DNAH12: variants seen among roughly 807,000 people sequenced by gnomAD.
The protein encoded by DNAH12 is axonemal beta dynein heavy chain 12.
Under a neutral mutation model 371.5 loss-of-function variants are expected in DNAH12, and 285 were observed. That is an observed-to-expected ratio of 0.77 (90% CI 0.70 to 0.85). The LOEUF (loss-of-function observed/expected upper bound fraction) is 0.85. Among genes scored for constraint, DNAH12 ranks in the 40% least tolerant of loss-of-function variants. The probability of loss-of-function intolerance (pLI) is 0.00; values close to 1 mark genes in which losing one functional copy is unlikely to be tolerated. For missense variants in DNAH12, 3,611 were observed against 3,689.4 expected (o/e 0.98, Z 0.55); for synonymous variants, 1,200 against 1,213.0 (o/e 0.99, Z 0.22).
intron 23 of DNAH12, among the ~76,000 whole-genome samples, chr3:57,454,509 T>A: frequency 6.6e-6 from 1 of 151,696 alleles, no homozygotes; most frequent in Admixed American, 6.6e-5. Flanking sequence ...ATAGTTGTAA[T>A]TTTAAGATTA....
Position 57,428,660 on chromosome 3 carries a change from A to T in DNAH12, c.5226T>A (p.Ser1742=), listed in dbSNP as rs1442718192. 4 of 1,540,588 alleles carry T rather than the reference A, an allele frequency of 2.6e-6. No individual in the cohort carries two copies. In the East Asian group the frequency reaches 9.8e-5, roughly 38 times the overall value. Residue 1742 remains serine (S), a synonymous_variant, in exon 34 of 74, where the codon TCT becomes TCA. Transcript: ENST00000495027. ...TGCATTTTTTCTTACGCTGGTTTAAAGAGGGTGGTATTAACCAGGCAAAAA... is the reference window on the plus strand; with the variant it reads ...TGCATTTTTTCTTACGCTGGTTTAATGAGGGTGGTATTAACCAGGCAAAAA... ...RGLFAWLIPP[S]LNQRKKKCKE...
chr3:57,310,698 T>C lies in DNAH12; in HGVS notation c.10896+19A>G. The C allele has an allele frequency of 1.3e-6, 2 of 1,502,500 alleles. No individual in the cohort carries two copies. Among genetic ancestry groups the C allele is most frequent in the Non-Finnish European group, 1.8e-6 (2 of 1,104,088 alleles). The allele number at this position is 1,502,500 out of a possible 1,614,324, so 93.1% of individuals were successfully genotyped here. ...AAAATCACACATTAATCTAACCTTATTTTTGGTGACATCATTACCTTAATG... is the reference window on the plus strand; with the variant it reads ...AAAATCACACATTAATCTAACCTTACTTTTGGTGACATCATTACCTTAATG... On this transcript the variant is annotated intron_variant, in intron 67 of 73. Coordinates refer to ENST00000495027, the MANE Select transcript of DNAH12 (RefSeq NM_001366028.2).
chr3:57,515,296 C>T (rs1460668760), intron 4 of DNAH12, among the ~76,000 whole-genome samples: 1 of 151,998 alleles, frequency 6.6e-6, no homozygotes. Flanking sequence ...GATTACAGGG[C>T]TAGAATAGAA....
At chr3:57,526,527 C>CTTT (rs759097908) in intron 2 of DNAH12, among the ~76,000 whole-genome samples, 48 of 121,244 alleles carry the variant, frequency 4.0e-4, no homozygotes, top group African/African-American at 7.2e-4. Context: ...GTTTCCAGAT[C>CTTT]TTTTTTTTTT....
intron 69 of DNAH12, among the ~76,000 whole-genome samples, chr3:57,308,362 C>T (rs577479963): frequency 6.6e-6 from 1 of 152,094 alleles, no homozygotes; most frequent in African/African-American, 2.4e-5. Flanking sequence ...CTTTTAAAAA[C>T]ACACCTCGCC....
At position 57,454,428 on chromosome 3, in the gene DNAH12, C is replaced by A. The variant is rs575302212; in HGVS notation, c.3456+347G>T. ...CTGGGAGGCGGAGGTTGCAGTGAGC[C>A]GAGATCATGCCTTTGCACTCCAGCC... On this transcript the variant is annotated intron_variant, in intron 23 of 73. Coordinates refer to ENST00000495027, the MANE Select transcript of DNAH12 (RefSeq NM_001366028.2). 3.4e-5 allele frequency among the ~76,000 whole-genome samples: 5 copies of A among 148,754 alleles called. No homozygotes were observed. In the South Asian group the frequency reaches 1.1e-3, roughly 32 times the overall value.
At chr3:57,411,885 A>G (rs1553683159) in intron 39 of DNAH12, among the ~76,000 whole-genome samples, 1 of 152,214 alleles carries the variant, frequency 6.6e-6, no homozygotes, top group African/African-American at 2.4e-5. Context: ...CTATTGAAAG[A>G]GAAAAACAAA....
chr3:57,325,690 C>A (rs1004834803), intron 62 of DNAH12, among the ~76,000 whole-genome samples: 1 of 152,228 alleles, frequency 6.6e-6, no homozygotes, highest in Non-Finnish European at 1.5e-5. Context: ...GATCACAGTT[C>A]CTCACCAGCA....
chr3:57,368,567 A>G (rs892012032), intron 55 of DNAH12, among the ~76,000 whole-genome samples: 9 of 152,120 alleles, frequency 5.9e-5, no homozygotes, highest in Non-Finnish European at 8.8e-5. Flanking sequence ...TCTTCCCAAT[A>G]TAATATGCTG....
intron 17 of DNAH12, among the ~76,000 whole-genome samples, chr3:57,468,009 A>G (rs994405399): frequency 6.6e-6 from 1 of 152,220 alleles, no homozygotes. Flanking sequence ...CTCTGTCACA[A>G]GTACCCATGC....
chr3:57,392,003 C>G lies in DNAH12; in HGVS notation c.7174G>C (p.Ala2392Pro), dbSNP rs2063634386. Residue 2392 changes from alanine to proline, a missense_variant, in exon 45 of 74, where the codon GCT becomes CCT. By Grantham distance (27) the Ala-to-Pro change is conservative. Around this residue, in one of 3 missense-constraint regions of DNAH12, gnomAD observed 2,266 missense variants for 2,236.9 expected, o/e 1.01. Transcript: ENST00000495027. ...HDELSPLALF[A>P]FFVNRCKDNL... ...TCTTTGCAGCGATTCACAAAGAAAG[C>G]AAACAGAGCTAAGGGACTGAGTTCA... 1 of 152,194 alleles carries G rather than the reference C, an allele frequency of 6.6e-6. No homozygotes were observed. Among genetic ancestry groups the G allele is most frequent in the Non-Finnish European group, 1.5e-5 (1 of 68,036 alleles). The allele number at this position is 152,194 out of a possible 1,614,324, so 9.4% of individuals were successfully genotyped here.
chr3:57,386,216 G>C, intron 47 of DNAH12, among the ~76,000 whole-genome samples: 1 of 152,146 alleles, frequency 6.6e-6, no homozygotes, highest in East Asian at 1.9e-4. Context: ...TGTGATCTAG[G>C]CAACTTATTG....
At chr3:57,452,674 CA>C (rs763097400) in intron 25 of DNAH12, among the ~76,000 whole-genome samples, 168 bp downstream of exon 25, 2 of 152,146 alleles carry the variant, frequency 1.3e-5, no homozygotes, top group African/African-American at 2.4e-5. Flanking sequence ...TTGTATGCTA[CA>C]AAAGCACCCA....
intron 39 of DNAH12, 133 bp from the exon 40 acceptor site, chr3:57,408,668 G>T: frequency 8.6e-7 from 1 of 1,169,044 alleles, no homozygotes; most frequent in Non-Finnish European, 1.1e-6. Flanking sequence ...AACACTTTGA[G>T]TAGGAGAGAA....
chr3:57,522,761 A>G (rs1250961512), intron 4 of DNAH12, among the ~76,000 whole-genome samples: 2 of 151,996 alleles, frequency 1.3e-5, no homozygotes, highest in Non-Finnish European at 2.9e-5. Flanking sequence ...ATCCTTTGCT[A>G]GTAAAGAAAT....
chr3:57,493,818 T>A (rs2067217412), intron 11 of DNAH12: 1 of 149,580 alleles, frequency 6.7e-6, no homozygotes. Context: ...AACCCAACAC[T>A]CTTTCATGGT....
chr3:57,374,502 T>C (rs1479924727), intron 55 of DNAH12, among the ~76,000 whole-genome samples: 1 of 152,196 alleles, frequency 6.6e-6, no homozygotes, highest in Non-Finnish European at 1.5e-5. Flanking sequence ...ATTTGAAAAG[T>C]TTTTATAGTT....
chr3:57,497,038 A>T (rs1437013089), intron 11 of DNAH12, among the ~76,000 whole-genome samples: 1 of 152,214 alleles, frequency 6.6e-6, no homozygotes, highest in African/African-American at 2.4e-5. Context: ...AGATTTAGGA[A>T]AATATTTGCA....
intron 62 of DNAH12, among the ~76,000 whole-genome samples, chr3:57,328,408 A>C (rs1479816715): frequency 1.2e-3 from 163 of 131,548 alleles, no homozygotes; most frequent in Non-Finnish European, 1.8e-3. Flanking sequence ...GGTTCAATAT[A>C]CTCAAATCAA....
Sources: gnomAD v4.1 joint callset for allele counts (sites outside exome capture counted in the v4.1 genomes callset) on GRCh38, gnomAD v4.1.1 for gene constraint, gnomAD v4.1.1 regional missense constraint, MANE v1.5 for transcripts, NCBI Gene and HGNC (gene_info 2026-07-23, HGNC 2026-07-21) for gene names.